Variants in GLIS3 observed in about 807,000 individuals in gnomAD.
GLIS3 encodes the protein GLIS family zinc finger 3.
A neutral mutation model predicts 78.6 loss-of-function variants in GLIS3; 53 were observed. That is an observed-to-expected ratio of 0.67 (90% CI 0.54 to 0.85). The LOEUF (loss-of-function observed/expected upper bound fraction) is 0.85, where lower values mean the gene tolerates loss of function less well. GLIS3 is among the 40% of genes least tolerant of loss of function. The pLI is 0.00. For missense variants in GLIS3, 1,703 were observed against 1,231.1 expected (o/e 1.38, Z -5.74); for synonymous variants, 684 against 509.9 (o/e 1.34, Z -4.60).
chr9:4,365,285 G>C, the GLIS3 span, among the ~76,000 whole-genome samples: 2 of 152,156 alleles, frequency 1.3e-5, no homozygotes, highest in Non-Finnish European at 2.9e-5. Flanking sequence ...AAATCAGGCT[G>C]GGTGCGGTGG....
the GLIS3 span, among the ~76,000 whole-genome samples, chr9:4,415,310 T>A: frequency 4.7e-4 from 72 of 152,318 alleles, no homozygotes; most frequent in Middle Eastern, 0.01. Flanking sequence ...ACTATCTCAG[T>A]CCTGGCAGGG....
At chr9:3,921,303 T>C (rs142306344) in intron 6 of GLIS3, among the ~76,000 whole-genome samples, 1 of 152,366 alleles carries the variant, frequency 6.6e-6, no homozygotes, top group Non-Finnish European at 1.5e-5. Context: ...AGTTTGGATT[T>C]TTCACTAAGT....
At chr9:3,851,455 T>C (rs1819427506) in intron 9 of GLIS3, among the ~76,000 whole-genome samples, 1 of 152,214 alleles carries the variant, frequency 6.6e-6, no homozygotes, top group South Asian at 2.1e-4. Flanking sequence ...CCTCATTCCC[T>C]GTACTAATGA....
intron 2 of GLIS3, among the ~76,000 whole-genome samples, chr9:4,276,210 G>A (rs556250104): frequency 2.0e-5 from 3 of 150,530 alleles, no homozygotes; most frequent in African/African-American, 7.3e-5. Flanking sequence ...CTGAACCTAG[G>A]AGGTGGAGGT....
chr9:4,233,894 A>G (rs778001282), intron 2 of GLIS3, among the ~76,000 whole-genome samples: 6 of 152,184 alleles, frequency 3.9e-5, no homozygotes, highest in Non-Finnish European at 8.8e-5. Flanking sequence ...CTCCTACATC[A>G]CCACTTGCTG....
chr9:4,122,843 G>A (rs183247597), intron 3 of GLIS3, among the ~76,000 whole-genome samples: 4 of 152,232 alleles, frequency 2.6e-5, no homozygotes, highest in Non-Finnish European at 4.4e-5. Context: ...TCATTTTAGG[G>A]GAAATATATA....
chr9:4,134,712 CAAAA>C (rs952243085), intron 2 of GLIS3, among the ~76,000 whole-genome samples: 5 of 152,138 alleles, frequency 3.3e-5, no homozygotes, highest in Non-Finnish European at 5.9e-5. Context: ...CTTAGGTGTG[CAAAA>C]TGGTAGGAAC....
At chr9:4,483,294 T>C in the GLIS3 span, among the ~76,000 whole-genome samples, 1 of 152,204 alleles carries the variant, frequency 6.6e-6, no homozygotes, top group African/African-American at 2.4e-5. Context: ...TAGTGCCCAA[T>C]GGAGCACAGC....
rs1445187233 is a variant in GLIS3, at chr9:3,898,634, A to C, written c.2128+57T>G. On this transcript the variant is annotated intron_variant, in intron 7 of 10. Transcript: ENST00000381971. ...TCTCACGTGAGCATTCCTTTTAACC[A>C]GAGTAAAAGGCCTAAAAAAGGGTAG... is the stretch of plus-strand genomic sequence containing the variant. The C allele has an allele frequency of 3.1e-6, 5 of 1,601,656 alleles. No homozygotes were observed. The Admixed American group carries it at 5.0e-5, about 16-fold the overall frequency.
intron 7 of GLIS3, among the ~76,000 whole-genome samples, chr9:3,891,105 G>A (rs1284264838): frequency 6.7e-6 from 1 of 148,860 alleles, no homozygotes; most frequent in African/African-American, 2.5e-5. Context: ...GTAGGAGGAA[G>A]AGGAGGAGGA....
chr9:4,369,749 G>C, the GLIS3 span, among the ~76,000 whole-genome samples: 1 of 152,102 alleles, frequency 6.6e-6, no homozygotes, highest in Non-Finnish European at 1.5e-5. Context: ...AATCCCAAAG[G>C]ACCTTGACAA....
chr9:4,428,458 T>A, the GLIS3 span, among the ~76,000 whole-genome samples: 38 of 123,344 alleles, frequency 3.1e-4, no homozygotes, highest in African/African-American at 9.5e-4. Context: ...TACTCCAGCC[T>A]GGGTGACAGA....
chr9:4,115,048 C>T (rs968608157), intron 4 of GLIS3, among the ~76,000 whole-genome samples: 8 of 152,194 alleles, frequency 5.3e-5, no homozygotes, highest in African/African-American at 1.9e-4. Flanking sequence ...ATACCAGTGG[C>T]AGCCACTTAC....
chr9:4,141,783 CTT>C (rs751935882), intron 2 of GLIS3, among the ~76,000 whole-genome samples: 71 of 152,300 alleles, frequency 4.7e-4, no homozygotes, highest in Middle Eastern at 3.4e-3. Context: ...AATCACATAA[CTT>C]TAACTAAAAT....
chr9:3,891,084 AGAAGAAG>A (rs1563817912), intron 7 of GLIS3, among the ~76,000 whole-genome samples: 11 of 146,452 alleles, frequency 7.5e-5, no homozygotes, highest in African/African-American at 2.5e-4. Context: ...AAAAAAAAGA[AGAAGAAG>A]AAAGTAGGAG....
At position 3,962,376 on chromosome 9, in the gene GLIS3, C is replaced by A. The variant is rs188794909; in HGVS notation, c.1711-25187G>T. Reference sequence around the variant, plus strand: ...TATAGATTAGACACAATGACACTTTCTTTAAATAATAAAGAGAGGCTAGAA... The same window carrying A: ...TATAGATTAGACACAATGACACTTTATTTAAATAATAAAGAGAGGCTAGAA... On this transcript the variant is annotated intron_variant, in intron 4 of 10. Coordinates refer to ENST00000381971, the MANE Select transcript of GLIS3 (RefSeq NM_001042413.2). 1.4e-4 allele frequency among the ~76,000 whole-genome samples: 21 copies of A among 152,232 alleles called. No individual in the cohort carries two copies. In the East Asian group the frequency reaches 2.5e-3, roughly 18 times the overall value.
chr9:4,141,974 G>A (rs890432357), intron 2 of GLIS3, among the ~76,000 whole-genome samples: 1 of 152,086 alleles, frequency 6.6e-6, no homozygotes, highest in Non-Finnish European at 1.5e-5. Flanking sequence ...AGTTAGTATC[G>A]AAGTAAATGT....
the GLIS3 span, among the ~76,000 whole-genome samples, chr9:4,427,281 A>C: frequency 6.6e-6 from 1 of 152,184 alleles, no homozygotes; most frequent in Non-Finnish European, 1.5e-5. Context: ...AGCATATGCC[A>C]AGAACTCCCC....
chr9:3,979,630 C>T (rs1026339961), intron 4 of GLIS3, among the ~76,000 whole-genome samples: 1 of 152,074 alleles, frequency 6.6e-6, no homozygotes, highest in Non-Finnish European at 1.5e-5. Flanking sequence ...CCCTGTGTCC[C>T]CATGACACTC....
Sources: allele counts gnomAD v4.1 joint callset (sites outside exome capture counted in the v4.1 genomes callset), GRCh38; gene constraint gnomAD v4.1.1; transcripts MANE v1.5; gene names NCBI Gene and HGNC (gene_info 2026-07-23, HGNC 2026-07-21).